The following PDE8A variants were observed in gnomAD, a reference collection of about 807,000 sequenced individuals.
The protein encoded by PDE8A is high affinity cAMP-specific and IBMX-insensitive 3',5'-cyclic phosphodiesterase 8A.
PDE8A carries 59 observed loss-of-function variants against 105.0 expected under a neutral mutation model. The ratio of observed to expected loss-of-function variants is 0.56; its 90% CI spans 0.46 to 0.70. PDE8A has a LOEUF of 0.70. PDE8A is among the 30% of genes least tolerant of loss of function. PDE8A has a pLI of 0.00. For synonymous variants in PDE8A, 355 were observed against 371.9 expected, an observed-to-expected ratio of 0.95 and a Z score of 0.52; for missense variants, 1,014 against 1,045.9, an observed-to-expected ratio of 0.97 and a Z score of 0.42.
chr15:85,094,650 A>G (rs1347022435), intron 8 of PDE8A, among the ~76,000 whole-genome samples: 1 of 152,098 alleles, frequency 6.6e-6, no homozygotes, highest in African/African-American at 2.4e-5. Flanking sequence ...TTTGACTTAG[A>G]TTCCTGAAAT....
intron 11 of PDE8A, among the ~76,000 whole-genome samples, chr15:85,104,857 G>C (rs76034550): frequency 1.3e-5 from 2 of 152,124 alleles, no homozygotes; most frequent in Non-Finnish European, 2.9e-5. Flanking sequence ...AATAATAGAC[G>C]TGAATAATGG....
chr15:85,116,816 C>A (rs1338536736), intron 16 of PDE8A, among the ~76,000 whole-genome samples: 1 of 152,210 alleles, frequency 6.6e-6, no homozygotes, highest in African/African-American at 2.4e-5. Context: ...TTTTCAGGCT[C>A]CCCTTGAGTT....
chr15:85,041,961 G>A (rs949279790), intron 1 of PDE8A, among the ~76,000 whole-genome samples: 2 of 151,964 alleles, frequency 1.3e-5, no homozygotes, highest in Non-Finnish European at 1.5e-5. Flanking sequence ...CCCAAGTTCC[G>A]TTTTCTTTTG....
rs191493287 is a variant in PDE8A, at chr15:85,127,624, C to T, written c.2253+1250C>T. ...TAGGAAAAAATTTAATAAGAGATGA[C>T]CAGAACTTTACAGTGAAAACCATAA... On this transcript the variant is annotated intron_variant, in intron 20 of 21. Coordinates refer to ENST00000394553, the MANE Select transcript of PDE8A (RefSeq NM_002605.3). Among the ~76,000 whole-genome samples, 146 of 152,146 alleles carry T rather than the reference C, an allele frequency of 9.6e-4. 1 individual carries two copies. The highest frequency in any genetic ancestry group is 3.4e-3 in the African/African-American group (141 of 41,502).
chr15:85,048,738 T>G (rs2080924785), intron 1 of PDE8A, among the ~76,000 whole-genome samples: 1 of 152,200 alleles, frequency 6.6e-6, no homozygotes, highest in Non-Finnish European at 1.5e-5. Context: ...TTGCTTTCCT[T>G]CTTCCTGTAC....
intron 11 of PDE8A, among the ~76,000 whole-genome samples, chr15:85,100,982 C>T (rs12440719): frequency 0.55 from 83,987 of 152,118 alleles, 24,578 homozygotes; most frequent in African/African-American, 0.77. Flanking sequence ...TCTAGAAACA[C>T]TTACTACATA....
intron 20 of PDE8A, among the ~76,000 whole-genome samples, 195 bp downstream of exon 20, chr15:85,126,569 G>GA (rs1317664887): frequency 6.6e-6 from 1 of 151,446 alleles, no homozygotes; most frequent in Non-Finnish European, 1.5e-5. Context: ...ATTCTTGCAG[G>GA]ATATTTTTGT....
At chr15:85,129,229 G>C (rs1206646637) in intron 20 of PDE8A, among the ~76,000 whole-genome samples, 4 of 152,172 alleles carry the variant, frequency 2.6e-5, no homozygotes, top group Admixed American at 2.6e-4. Context: ...TAGTGTCTTT[G>C]TCTGGCTTTA....
At chr15:85,084,215 C>T (rs953148151) in intron 6 of PDE8A, among the ~76,000 whole-genome samples, 1 of 152,162 alleles carries the variant, frequency 6.6e-6, no homozygotes, top group Non-Finnish European at 1.5e-5. Context: ...TATTCTTTAA[C>T]ATTTCCTTTA....
intron 1 of PDE8A, among the ~76,000 whole-genome samples, chr15:84,986,913 C>A (rs574137201): frequency 9.2e-5 from 14 of 152,334 alleles, no homozygotes; most frequent in African/African-American, 3.1e-4. Flanking sequence ...CTGTGCCCAA[C>A]TGATTACTCA....
chr15:85,002,832 T>C (rs79284939), intron 1 of PDE8A, among the ~76,000 whole-genome samples: 4,820 of 152,260 alleles, frequency 0.032, 273 homozygotes, highest in African/African-American at 0.11. Flanking sequence ...ATAACAGAAG[T>C]CACTTCTTTC....
chr15:85,105,330 G>T (rs1015373731), intron 11 of PDE8A, among the ~76,000 whole-genome samples: 3 of 152,098 alleles, frequency 2.0e-5, no homozygotes, highest in Non-Finnish European at 4.4e-5. Flanking sequence ...TTTGGAGGTG[G>T]CCCTGTTGCA....
intron 20 of PDE8A, among the ~76,000 whole-genome samples, chr15:85,130,481 C>A (rs1762893834): frequency 6.6e-6 from 1 of 152,046 alleles, no homozygotes; most frequent in African/African-American, 2.4e-5. Flanking sequence ...TGTTTTGTGG[C>A]CTATCATATG....
At chr15:84,981,371 C>A (rs933542710), upstream of PDE8A, among the ~76,000 whole-genome samples, 9 of 152,158 alleles carry the variant, frequency 5.9e-5, no homozygotes, top group African/African-American at 2.2e-4. Flanking sequence ...CCGGCAAAAC[C>A]CGGCCCGGAT....
chr15:85,091,472 A>G (rs1432805368), intron 8 of PDE8A, among the ~76,000 whole-genome samples: 2 of 152,214 alleles, frequency 1.3e-5, no homozygotes, highest in Non-Finnish European at 2.9e-5. Context: ...TGGTCTTCTT[A>G]GTTGTAGATG....
intron 1 of PDE8A, among the ~76,000 whole-genome samples, chr15:85,019,359 T>C (rs938019475): frequency 6.6e-6 from 1 of 152,146 alleles, no homozygotes; most frequent in East Asian, 1.9e-4. Flanking sequence ...ACATAGCAAA[T>C]GTATCAACAT....
At chr15:85,127,162 C>T (rs896159381) in intron 20 of PDE8A, among the ~76,000 whole-genome samples, 2 of 152,168 alleles carry the variant, frequency 1.3e-5, no homozygotes, top group African/African-American at 4.8e-5. Flanking sequence ...CATGTCACTG[C>T]ACTCCAACCT....
chr15:85,108,928 T>C (rs1408947261), intron 11 of PDE8A, 125 bp from the exon 12 acceptor site: 10 of 641,484 alleles, frequency 1.6e-5, no homozygotes, highest in Non-Finnish European at 2.2e-5. Flanking sequence ...CTCTGTACTG[T>C]GTTTACTTTT....
rs112410309 is a variant in PDE8A, at chr15:85,014,471, G to T, written c.186+32123G>T. On this transcript the variant is annotated intron_variant, in intron 1 of 21. Transcript: ENST00000394553. ...TTTGAATAGCATAGGCAGGATAAAT[G>T]CTTGTTTCTTGTTCTCCATTTATTA... Among the ~76,000 whole-genome samples the T allele has an allele frequency of 3.3e-3, 495 of 152,292 alleles. 2 individuals are homozygous for T. Among genetic ancestry groups the T allele is most frequent in the African/African-American group, 0.012 (481 of 41,550 alleles).
Sources: gnomAD v4.1 joint callset for allele counts (sites outside exome capture counted in the v4.1 genomes callset) on GRCh38, gnomAD v4.1.1 for gene constraint, MANE v1.5 for transcripts, NCBI Gene and HGNC (gene_info 2026-07-23, HGNC 2026-07-21) for gene names.